The following PDIA2 variants were observed in gnomAD, a reference collection of about 807,000 sequenced individuals.
PDIA2 encodes the protein protein disulfide isomerase family A member 2, also known as protein disulfide-isomerase A2.
In PDIA2, 76 loss-of-function variants were observed where a neutral mutation model predicts 51.1. The observed-to-expected ratio is 1.49, with a 90% confidence interval of 1.24 to 1.80. The LOEUF is 1.80. PDIA2 is among the 40% of genes most tolerant of loss of function. The probability of loss-of-function intolerance (pLI) is 0.00; values close to 1 mark genes in which losing one functional copy is unlikely to be tolerated. For synonymous variants in PDIA2, 429 were observed against 309.9 expected, an observed-to-expected ratio of 1.38 and a Z score of -4.04; for missense variants, 946 against 706.5, an observed-to-expected ratio of 1.34 and a Z score of -3.84.
chr16:284,102 A>G (rs2052321695), intron 1 of PDIA2: 1 of 499,576 alleles, frequency 2.0e-6, no homozygotes, highest in Non-Finnish European at 3.7e-6. Flanking sequence ...TCCCAACCTC[A>G]GGTGATATGC....
chr16:285,035 G>C lies in PDIA2; in HGVS notation c.678+20G>C. On this transcript the variant is annotated intron_variant, in intron 4 of 10. Transcript: ENST00000219406. ...AAGAAGGTAGGTCAGGCCCAGGTGT[G>C]GGTTGGGGTCCGGCTGCAGCGCCCG... The C allele has an allele frequency of 6.2e-7, 1 of 1,613,244 alleles. No homozygotes were observed. Among genetic ancestry groups the C allele is most frequent in the Non-Finnish European group, 8.5e-7 (1 of 1,180,004 alleles).
chr16:285,955 C>A (rs1462990089), intron 7 of PDIA2, among the ~76,000 whole-genome samples: 1 of 70,552 alleles, frequency 1.4e-5, no homozygotes, highest in African/African-American at 6.0e-5. Context: ...CCAACCCCAA[C>A]CCCGCGGTTC....
chr16:287,007 AGGGGCG>A (rs2052394421), intron 10 of PDIA2, 56 bp from the exon 11 acceptor site: 1 of 1,612,070 alleles, frequency 6.2e-7, no homozygotes, highest in South Asian at 1.1e-5. Context: ...CAGGGCTGGC[AGGGGCG>A]GGGGCAGGGG....
Position 285,380 on chromosome 16 carries a change from T to G in PDIA2, c.864T>G (p.Ala288=). Residue 288 remains alanine, a synonymous_variant, in exon 6 of 11, where the codon GCT becomes GCG. Coordinates refer to ENST00000219406, the MANE Select transcript of PDIA2 (RefSeq NM_006849.4). ...TGCTGTTTGTCAACCAGACGCTGGC[T>G]GCGCACCGGGAGCTCCTAGCGGGCT... The part of the protein sequence containing the change: ...HLLLFVNQTL[A]AHRELLAGFG... The G allele has an allele frequency of 6.3e-7, 1 of 1,598,756 alleles. No individual in the cohort carries two copies. Among genetic ancestry groups the G allele is most frequent in the Non-Finnish European group, 8.5e-7 (1 of 1,172,240 alleles).
At position 285,493 on chromosome 16, in the gene PDIA2, C is replaced by T. The variant is rs1160115298; in HGVS notation, c.922-13C>T. ...GGAGAGTGGCCGGTGCCAGCATGGACTCCCTGCCACAGGTGCTGTTCGTGG... is the reference window on the plus strand; with the variant it reads ...GGAGAGTGGCCGGTGCCAGCATGGATTCCCTGCCACAGGTGCTGTTCGTGG... On this transcript the variant is annotated splice_polypyrimidine_tract_variant and intron_variant, in intron 6 of 10. Transcript: ENST00000219406. 9.3e-6 allele frequency: 15 copies of T among 1,612,430 alleles called. No individual in the cohort carries two copies. Among genetic ancestry groups the T allele is most frequent in the Non-Finnish European group, 1.3e-5 (15 of 1,179,874 alleles).
In PDIA2 at chr16:286,928, C is replaced by T; in HGVS notation, c.1516C>T (p.Pro506Ser). Residue 506 changes from proline to serine, a missense_variant, in exon 10 of 11, where the codon CCA becomes TCA. Coordinates refer to ENST00000219406, the MANE Select transcript of PDIA2 (RefSeq NM_006849.4). ...GCCCACGGAGGAGCCCCCGGAGGAG[C>T]CAGCAGCCCCGTTCCCGGTGGGTGT... ...VLPTEEPPEEPAAPFPEPPAN... is the reference protein window; with the variant it reads ...VLPTEEPPEESAAPFPEPPAN... The T allele has an allele frequency of 1.3e-6, 2 of 1,597,864 alleles. No homozygotes were observed. The highest frequency in any genetic ancestry group is 1.1e-5 in the South Asian group (1 of 89,630).
rs573122001 is a variant in PDIA2, at chr16:286,462, TTGTC to T, written c.1230_1233del (p.Phe410LeufsTer65). 6.0e-5 allele frequency: 96 copies of T among 1,612,928 alleles called. No individual in the cohort carries two copies. The African/African-American group carries it at 1.1e-3, about 19-fold the overall frequency. ...GCTTTTGACGAAACCAAGAATGTGT[TTGTC>T]AAGTTCTGTGAGTGTTGAGGGAGGC... On this transcript the variant is annotated frameshift_variant, in exon 8 of 11. Coordinates refer to ENST00000219406, the MANE Select transcript of PDIA2 (RefSeq NM_006849.4). LOFTEE classifies it high-confidence loss of function.
In PDIA2 at chr16:284,773, T is replaced by C; in HGVS notation, c.521T>C (p.Val174Ala). 6.4e-7 allele frequency: 1 copy of C among 1,568,508 alleles called. No individual in the cohort carries two copies. The highest frequency in any genetic ancestry group is 8.6e-7 in the Non-Finnish European group (1 of 1,161,366). Reference protein sequence around the residue: ...AQALIGGRDLVVIGFFQDLQD... With the variant: ...AQALIGGRDLAVIGFFQDLQD... ...GCGCTGATCGGTGGCCGGGACCTAGTGGTCATTGGCTTCTTCCAGGTGAGC... is the reference window on the plus strand; with the variant it reads ...GCGCTGATCGGTGGCCGGGACCTAGCGGTCATTGGCTTCTTCCAGGTGAGC... Residue 174 changes from valine to alanine, a missense_variant, in exon 3 of 11, where the codon GTG becomes GCG. By Grantham distance (64) the Val-to-Ala change is moderately conservative. Transcript: ENST00000219406.
Position 286,864 on chromosome 16 carries a change from G to A in PDIA2, c.1452G>A (p.Leu484=). The part of the protein sequence containing the change: ...KVIEYKSTRD[L]ETFSKFLDNG... ...TTGAATACAAAAGCACCAGGGACCT[G>A]GAGACTTTCTCCAAGTTCCTGGACA... is the stretch of plus-strand genomic sequence containing the variant. Residue 484 remains leucine, a synonymous_variant, in exon 10 of 11, where the codon CTG becomes CTA. Coordinates refer to ENST00000219406, the MANE Select transcript of PDIA2 (RefSeq NM_006849.4). The A allele has an allele frequency of 6.2e-7, 1 of 1,608,406 alleles. No individual in the cohort carries two copies.
chr16:286,566 G>A lies in PDIA2; in HGVS notation c.1253G>A (p.Cys418Tyr), dbSNP rs1446775968. ...NVFVKFYAPW[C>Y]THCKEMAPAW... ...GCTCCCATCCTAGATGCCCCGTGGTGCACCCACTGCAAGGAGATGGCCCCT... is the reference window on the plus strand; with the variant it reads ...GCTCCCATCCTAGATGCCCCGTGGTACACCCACTGCAAGGAGATGGCCCCT... Residue 418 changes from cysteine to tyrosine, a missense_variant, in exon 9 of 11, where the codon TGC becomes TAC. Physicochemically the swap from Cys to Tyr is radical, Grantham distance 194. Transcript: ENST00000219406. The A allele has an allele frequency of 1.2e-6, 2 of 1,612,848 alleles. No homozygotes were observed. Among genetic ancestry groups the A allele is most frequent in the Non-Finnish European group, 8.5e-7 (1 of 1,179,942 alleles).
chr16:284,515 G>A lies in PDIA2; in HGVS notation c.328G>A (p.Glu110Lys). ...VDGPAQRELA[E>K]EFGVTEYPTL... ...TGGGCCCGCGCAGCGCGAGCTGGCT[G>A]AGGAGTTTGGTGTGACGGAGTACCC... The change falls in exon 2 of 11, where the codon GAG becomes AAG. Residue 110 changes from glutamate (E) to lysine (K), a missense_variant. Glu to Lys is a moderately conservative substitution (Grantham distance 56). Transcript: ENST00000219406. 2 of 1,612,304 alleles carry A rather than the reference G, an allele frequency of 1.2e-6. No individual in the cohort carries two copies. Among genetic ancestry groups the A allele is most frequent in the Non-Finnish European group, 1.7e-6 (2 of 1,179,608 alleles).
rs200294044 is a variant in PDIA2, at chr16:286,350, C to T, written c.1120-3C>T. ...GCAAAGCGCCTGTCCTGGTTTCCCC[C>T]AGCCCTATCTCCTGAGCCAGGAGAT... On this transcript the variant is annotated splice_polypyrimidine_tract_variant and splice_region_variant and intron_variant, in intron 7 of 10. Transcript: ENST00000219406. The T allele has an allele frequency of 2.6e-5, 41 of 1,606,936 alleles. No homozygotes were observed. In the African/African-American group the frequency reaches 4.7e-4, roughly 18 times the overall value.
rs1364704874 is a variant in PDIA2, at chr16:285,157, TG to T, written c.754del (p.Val252SerfsTer43). The T allele has an allele frequency of 6.2e-7, 1 of 1,613,080 alleles. No individual in the cohort carries two copies. The highest frequency in any genetic ancestry group is 1.1e-5 in the South Asian group (1 of 91,084). On this transcript the variant is annotated frameshift_variant, in exon 5 of 11. Coordinates refer to ENST00000219406, the MANE Select transcript of PDIA2 (RefSeq NM_006849.4). LOFTEE classifies it high-confidence loss of function. ...GACCTGGGGGATCTGTCGCGCTTCCTGGTCACACACAGCATGCGCCTGGTCA... is the reference window on the plus strand; with the variant it reads ...GACCTGGGGGATCTGTCGCGCTTCCTGTCACACACAGCATGCGCCTGGTCA... ...GLDLGDLSRF[L>X]VTHSMRLVTE...
rs1474173477 is a variant in PDIA2, at chr16:283,326, G to A, written c.157G>A (p.Gly53Ser). 1.9e-6 allele frequency: 3 copies of A among 1,609,722 alleles called. No individual in the cohort carries two copies. The highest frequency in any genetic ancestry group is 2.5e-6 in the Non-Finnish European group (3 of 1,178,456). The change falls in exon 1 of 11, where the codon GGC becomes AGC. Residue 53 changes from glycine to serine, a missense_variant. Physicochemically the swap from Gly to Ser is moderately conservative, Grantham distance 56. Transcript: ENST00000219406. The stretch of plus-strand genomic sequence containing the variant: ...CTTGGTGCTGAGCCGCCACACCCTG[G>A]GCCTGGCCCTGCGGGAGCACCCTGC... ...GILVLSRHTLGLALREHPALL... is the reference protein window; with the variant it reads ...GILVLSRHTLSLALREHPALL...
rs201336797 is a variant in PDIA2 at position 287,076 on chromosome 16, C to T, written c.1541C>T (p.Pro514Leu). Residue 514 changes from proline (P) to leucine (L), a missense_variant, in exon 11 of 11, where the codon CCG becomes CTG. Pro to Leu is a moderately conservative substitution (Grantham distance 98). Coordinates refer to ENST00000219406, the MANE Select transcript of PDIA2 (RefSeq NM_006849.4). ...ACTTGTGACCCTTTCTAGGAGCCACCGGCCAACTCCACTATGGGGTCCAAG... is the reference window on the plus strand; with the variant it reads ...ACTTGTGACCCTTTCTAGGAGCCACTGGCCAACTCCACTATGGGGTCCAAG... ...EEPAAPFPEP[P>L]ANSTMGSKEE... is the part of the protein sequence containing the mutation. 171 of 1,612,774 alleles carry T rather than the reference C, an allele frequency of 1.1e-4. No individual in the cohort carries two copies. Among genetic ancestry groups the T allele is most frequent in the East Asian group, 5.8e-4 (26 of 44,890 alleles).
At chr16:283,666 C>T (rs554382069) in intron 1 of PDIA2, among the ~76,000 whole-genome samples, 1 of 152,216 alleles carries the variant, frequency 6.6e-6, no homozygotes, top group Admixed American at 6.5e-5. Context: ...CTCCAGCTGC[C>T]AGGGGCATCC....
chr16:285,258 G>A, intron 5 of PDIA2, 54 bp from the exon 6 acceptor site: 1 of 1,612,050 alleles, frequency 6.2e-7, no homozygotes, highest in Non-Finnish European at 8.5e-7. Context: ...GTCCAGGGAT[G>A]GGGGTGCCTA....
chr16:283,482 C>T, intron 1 of PDIA2, 114 bp downstream of exon 1: 2 of 1,146,332 alleles, frequency 1.7e-6, no homozygotes, highest in East Asian at 2.7e-5. Context: ...GGCCTCCCCG[C>T]AGGCACTTGC....
At position 285,403 on chromosome 16, in the gene PDIA2, G is replaced by A. The variant is rs933047026; in HGVS notation, c.887G>A (p.Gly296Asp). 1.9e-6 allele frequency: 3 copies of A among 1,611,986 alleles called. No individual in the cohort carries two copies. The highest frequency in any genetic ancestry group is 1.3e-5 in the African/African-American group (1 of 74,842). Residue 296 changes from glycine to aspartate, a missense_variant, in exon 6 of 11, where the codon GGC (glycine) becomes GAC (aspartate). Transcript: ENST00000219406. ...GCTGCGCACCGGGAGCTCCTAGCGG[G>A]CTTTGGGGAGGCAGCTCCCCGCTTC... Reference protein sequence around the residue: ...TLAAHRELLAGFGEAAPRFRG... With the variant: ...TLAAHRELLADFGEAAPRFRG...
Sources: allele counts gnomAD v4.1 joint callset (sites outside exome capture counted in the v4.1 genomes callset), GRCh38; gene constraint gnomAD v4.1.1; transcripts MANE v1.5; gene names NCBI Gene and HGNC (gene_info 2026-07-23, HGNC 2026-07-21).